DTWD2: variants seen among roughly 807,000 people sequenced by gnomAD.
The protein encoded by DTWD2 is DTW motif tRNA-uridine aminocarboxypropyltransferase 2.
A neutral mutation model predicts 31.8 loss-of-function variants in DTWD2; 39 were observed. That is an observed-to-expected ratio of 1.22 (90% confidence interval 0.95 to 1.60). The LOEUF (loss-of-function observed/expected upper bound fraction) is 1.60, where lower values mean the gene tolerates loss of function less well. DTWD2 is among the 40% of genes most tolerant of loss of function. DTWD2 has a pLI of 0.00. For missense variants in DTWD2, 515 were observed against 381.5 expected, an observed-to-expected ratio of 1.35 and a Z score of -2.92; for synonymous variants, 180 against 142.8, an observed-to-expected ratio of 1.26 and a Z score of -1.86.
intron 4 of DTWD2, among the ~76,000 whole-genome samples, chr5:118,917,742 T>C (rs905207326): frequency 2.6e-5 from 4 of 151,844 alleles, no homozygotes; most frequent in African/African-American, 9.7e-5. Context: ...GAGGCTGAGG[T>C]GGGTGGATCA....
intron 4 of DTWD2, among the ~76,000 whole-genome samples, chr5:118,883,759 C>T (rs373288841): frequency 5.9e-4 from 90 of 152,250 alleles, no homozygotes; most frequent in African/African-American, 2.1e-3. Flanking sequence ...CCACCAGGTC[C>T]CTCCCTCAAC....
At chr5:118,955,950 GAAAT>G (rs773931585) in intron 1 of DTWD2, among the ~76,000 whole-genome samples, 8 of 151,802 alleles carry the variant, frequency 5.3e-5, no homozygotes, top group Non-Finnish European at 1.0e-4. Flanking sequence ...ATAGATATGA[GAAAT>G]AAAAACTAAC....
chr5:118,900,920 G>A (rs1243060307), intron 4 of DTWD2, among the ~76,000 whole-genome samples: 3 of 142,368 alleles, frequency 2.1e-5, no homozygotes, highest in Non-Finnish European at 4.5e-5. Context: ...GTGAGACTGC[G>A]TCTCAAAAAA....
At chr5:118,984,765 T>C (rs980836001) in intron 1 of DTWD2, among the ~76,000 whole-genome samples, 5 of 152,178 alleles carry the variant, frequency 3.3e-5, no homozygotes, top group African/African-American at 1.2e-4. Context: ...TATTCCATTA[T>C]TCCTATGACC....
At chr5:118,913,703 A>C (rs992620920) in intron 4 of DTWD2, among the ~76,000 whole-genome samples, 5 of 152,062 alleles carry the variant, frequency 3.3e-5, no homozygotes, top group African/African-American at 1.2e-4. Flanking sequence ...AAAACTGGGA[A>C]ACTACAGAAA....
At chr5:118,980,206 C>CAGGT (rs1755267991) in intron 1 of DTWD2, among the ~76,000 whole-genome samples, 2 of 152,188 alleles carry the variant, frequency 1.3e-5, no homozygotes. Context: ...GGAAAAAGAG[C>CAGGT]AGGTTTACTT....
At chr5:118,967,158 G>A (rs1754871119) in intron 1 of DTWD2, among the ~76,000 whole-genome samples, 2 of 151,586 alleles carry the variant, frequency 1.3e-5, no homozygotes, top group African/African-American at 4.8e-5. Flanking sequence ...ACATGTTGCA[G>A]ATAAAGAGAG....
intron 4 of DTWD2, among the ~76,000 whole-genome samples, chr5:118,921,318 C>G (rs1753697199): frequency 1.3e-5 from 2 of 151,948 alleles, no homozygotes; most frequent in South Asian, 4.2e-4. Context: ...TCAAAACCAG[C>G]CTAGACAACA....
rs1310598422 is a variant in DTWD2, at chr5:118,839,595, C to G, written c.*1322G>C. 1 of 152,074 alleles carries G rather than the reference C, an allele frequency of 6.6e-6. No individual in the cohort carries two copies. Among genetic ancestry groups the G allele is most frequent in the East Asian group, 1.9e-4 (1 of 5,196 alleles). The allele number at this position is 152,074 out of a possible 1,614,324, so 9.4% of individuals were successfully genotyped here. A position where few individuals can be genotyped will look rare whatever the true frequency, so the allele number is the denominator to read the frequency against. On this transcript the variant is annotated 3_prime_UTR_variant, in exon 6 of 6. Transcript: ENST00000510708. The stretch of plus-strand genomic sequence containing the variant: ...CAGGCTGGTCTCAAACTCCTGGGCT[C>G]AAGCAATTCTCACATCTCAGCCTCC...
chr5:118,973,351 G>C (rs560739031), intron 1 of DTWD2, among the ~76,000 whole-genome samples: 1 of 151,992 alleles, frequency 6.6e-6, no homozygotes, highest in South Asian at 2.1e-4. Context: ...TCATAGCGTC[G>C]ATGGTCTTCA....
At chr5:118,841,399 T>C (rs759612653) in intron 5 of DTWD2, among the ~76,000 whole-genome samples, 49 of 152,328 alleles carry the variant, frequency 3.2e-4, no homozygotes, top group Non-Finnish European at 6.8e-4. Flanking sequence ...GCCATTATAA[T>C]TGAATCCATA....
chr5:118,893,038 A>G (rs1264351778), intron 4 of DTWD2, among the ~76,000 whole-genome samples: 1 of 151,990 alleles, frequency 6.6e-6, no homozygotes, highest in African/African-American at 2.4e-5. Context: ...ATATATATAT[A>G]CGCAAAGGAA....
At chr5:118,889,844 A>G (rs1489295557) in intron 4 of DTWD2, among the ~76,000 whole-genome samples, 1 of 152,208 alleles carries the variant, frequency 6.6e-6, no homozygotes, top group Non-Finnish European at 1.5e-5. Flanking sequence ...TTCATGAAAG[A>G]ATGAAAATCT....
At chr5:118,985,502 A>ATATATATATATATATG (rs955107121) in intron 1 of DTWD2, among the ~76,000 whole-genome samples, 3 of 112,798 alleles carry the variant, frequency 2.7e-5, no homozygotes, top group African/African-American at 1.2e-4. Context: ...ATATATATAT[A>ATATATATATATATATG]TATATATATA....
chr5:118,985,336 G>C (rs1413367522), intron 1 of DTWD2, among the ~76,000 whole-genome samples: 2 of 151,652 alleles, frequency 1.3e-5, no homozygotes, highest in Admixed American at 6.6e-5. Context: ...TCACTTCCAA[G>C]ATTTCCCAGA....
chr5:118,894,397 C>G (rs1210076967), intron 4 of DTWD2, among the ~76,000 whole-genome samples: 1 of 151,716 alleles, frequency 6.6e-6, no homozygotes, highest in African/African-American at 2.4e-5. Context: ...CAATTTTGAT[C>G]AAAAAAAGAG....
rs78961336 is a variant in DTWD2 at position 118,972,481 on chromosome 5, T to C, written c.218+15813A>G. Among the ~76,000 whole-genome samples the C allele has an allele frequency of 1.8e-4, 27 of 152,216 alleles. No individual in the cohort carries two copies. In the East Asian group the frequency reaches 5.2e-3, roughly 29 times the overall value. On this transcript the variant is annotated intron_variant, in intron 1 of 5. Transcript: ENST00000510708. Reference sequence around the variant, plus strand: ...TTCTGAAACCAAGGCAGTAATTAAATAGCCTATCAGCCCAAAAAGAAAGCC... The same window carrying C: ...TTCTGAAACCAAGGCAGTAATTAAACAGCCTATCAGCCCAAAAAGAAAGCC...
At chr5:118,882,434 G>T (rs1350417692) in intron 4 of DTWD2, among the ~76,000 whole-genome samples, 3 of 152,192 alleles carry the variant, frequency 2.0e-5, no homozygotes, top group Non-Finnish European at 4.4e-5. Context: ...TGAGGACAGT[G>T]GCCCTCTTTT....
rs1312843832 is a variant in DTWD2 at position 118,848,080 on chromosome 5, A to G, written c.726+10T>C. The G allele has an allele frequency of 1.3e-6, 2 of 1,535,246 alleles. No individual in the cohort carries two copies. The highest frequency in any genetic ancestry group is 1.7e-6 in the Non-Finnish European group (2 of 1,147,462). ...CCACTTTGAAAAACTATAACCTTAC[A>G]AAGACGTACCTCTTGTATGTAATTA... On this transcript the variant is annotated intron_variant, in intron 5 of 5. Transcript: ENST00000510708.
Sources: gnomAD v4.1 joint callset for allele counts (sites outside exome capture counted in the v4.1 genomes callset) on GRCh38, gnomAD v4.1.1 for gene constraint, MANE v1.5 for transcripts, NCBI Gene and HGNC (gene_info 2026-07-23, HGNC 2026-07-21) for gene names.